The following XKR4 variants were observed in gnomAD, a reference collection of about 807,000 sequenced individuals.
XKR4 encodes the protein XK-related protein 4.
XKR4 carries 12 observed loss-of-function variants against 53.9 expected under a neutral mutation model. The ratio of observed to expected loss-of-function variants is 0.22; its 90% CI spans 0.14 to 0.36. The LOEUF (loss-of-function observed/expected upper bound fraction) is 0.36, where lower values mean the gene tolerates loss of function less well. Among genes scored for constraint, XKR4 ranks in the 10% least tolerant of loss-of-function variants. XKR4 has a pLI of 1.00. For missense variants in XKR4, 799 were observed against 859.5 expected, an observed-to-expected ratio of 0.93 and a Z score of 0.88; for synonymous variants, 354 against 362.4, an observed-to-expected ratio of 0.98 and a Z score of 0.26.
intron 2 of XKR4, among the ~76,000 whole-genome samples, chr8:55,460,375 C>T (rs1805636574): frequency 6.6e-6 from 1 of 152,124 alleles, no homozygotes; most frequent in African/African-American, 2.4e-5. Flanking sequence ...TAAATTTGCT[C>T]AAAATCATTG....
At chr8:55,353,698 G>T (rs1292283088) in intron 1 of XKR4, among the ~76,000 whole-genome samples, 1 of 152,342 alleles carries the variant, frequency 6.6e-6, no homozygotes, top group East Asian at 1.9e-4. Flanking sequence ...TCAAAAATGT[G>T]CCTGGCAGTC....
At chr8:55,283,634 T>C (rs1410409813) in intron 1 of XKR4, among the ~76,000 whole-genome samples, 2 of 152,238 alleles carry the variant, frequency 1.3e-5, no homozygotes, top group Non-Finnish European at 2.9e-5. Context: ...GATCTTTTTC[T>C]GAAGCTGAAA....
intron 2 of XKR4, among the ~76,000 whole-genome samples, chr8:55,404,291 T>G (rs960088797): frequency 2.0e-4 from 31 of 152,174 alleles, no homozygotes; most frequent in African/African-American, 7.0e-4. Flanking sequence ...AGATAATAGA[T>G]AAGGTAGATA....
chr8:55,255,524 A>T (rs1288505850), intron 1 of XKR4, among the ~76,000 whole-genome samples: 1 of 152,154 alleles, frequency 6.6e-6, no homozygotes, highest in Admixed American at 6.5e-5. Context: ...TTGTCTTTGG[A>T]TTCTCAGCAC....
intron 2 of XKR4, chr8:55,450,285 G>A (rs971065929): frequency 1.4e-6 from 1 of 705,052 alleles, no homozygotes. Context: ...CCAGTTCCCA[G>A]TCATAGGGAG....
chr8:55,374,751 C>G (rs1191880870), intron 2 of XKR4, among the ~76,000 whole-genome samples: 1 of 152,140 alleles, frequency 6.6e-6, no homozygotes, highest in Non-Finnish European at 1.5e-5. Context: ...CAGGGGCACA[C>G]AGCAGAACAC....
intron 2 of XKR4, among the ~76,000 whole-genome samples, chr8:55,479,901 A>G (rs922253053): frequency 6.6e-6 from 1 of 152,180 alleles, no homozygotes; most frequent in South Asian, 2.1e-4. Flanking sequence ...AATTGTGGCA[A>G]TAATCAATAG....
At chr8:55,518,295 A>G (rs986120317) in intron 2 of XKR4, among the ~76,000 whole-genome samples, 16 of 152,310 alleles carry the variant, frequency 1.1e-4, no homozygotes, top group African/African-American at 3.8e-4. Context: ...GAGGAACAAT[A>G]AAGAACCATG....
chr8:55,385,444 C>T (rs771747525), intron 2 of XKR4, among the ~76,000 whole-genome samples: 2 of 152,204 alleles, frequency 1.3e-5, no homozygotes, highest in Non-Finnish European at 2.9e-5. Context: ...ACATACCTTA[C>T]TCTTCCCTTC....
At chr8:55,436,498 GT>G (rs1394572013) in intron 2 of XKR4, among the ~76,000 whole-genome samples, 1 of 152,216 alleles carries the variant, frequency 6.6e-6, no homozygotes, top group African/African-American at 2.4e-5. Flanking sequence ...TTCCTAACAT[GT>G]GTTCAGGTTT....
chr8:55,199,117 C>T lies in XKR4; in HGVS notation c.806+95823C>T, dbSNP rs186420475. 2.3e-3 allele frequency among the ~76,000 whole-genome samples: 354 copies of T among 152,210 alleles called. 5 individuals are homozygous for T. The highest frequency in any genetic ancestry group is 3.9e-3 in the Non-Finnish European group (263 of 68,022). On this transcript the variant is annotated intron_variant, in intron 1 of 2. Coordinates refer to ENST00000327381, the MANE Select transcript of XKR4 (RefSeq NM_052898.2). ...TATTTAGGAAGTTCTTACATATTAA[C>T]GCAGCATTGTAAAGTGGCTCATTAC...
intron 2 of XKR4, among the ~76,000 whole-genome samples, chr8:55,445,803 A>T (rs1263214144): frequency 6.6e-6 from 1 of 152,236 alleles, no homozygotes; most frequent in Non-Finnish European, 1.5e-5. Context: ...AGTAACGGTT[A>T]CCACAGTAAG....
intron 2 of XKR4, chr8:55,452,649 TG>T: frequency 2.8e-6 from 4 of 1,426,334 alleles, no homozygotes; most frequent in Non-Finnish European, 3.9e-6. Context: ...CCCCTTGAGG[TG>T]GTCACTGGTG....
chr8:55,200,101 G>T (rs894807460), intron 1 of XKR4, among the ~76,000 whole-genome samples: 2 of 152,142 alleles, frequency 1.3e-5, no homozygotes, highest in African/African-American at 4.8e-5. Flanking sequence ...GTCTGGTTCT[G>T]TCACCTAGGC....
Position 55,102,475 on chromosome 8 carries a change from G to T in XKR4, c.-14G>T. The T allele has an allele frequency of 6.5e-7, 1 of 1,546,954 alleles. No homozygotes were observed. Among genetic ancestry groups the T allele is most frequent in the Non-Finnish European group, 8.8e-7 (1 of 1,142,136 alleles). ...GTCAGATAAAGGAGGGCTCTCCTCCGGTGTGGAGGCATCATGGCCGCTAAA... is the reference window on the plus strand; with the variant it reads ...GTCAGATAAAGGAGGGCTCTCCTCCTGTGTGGAGGCATCATGGCCGCTAAA... On this transcript the variant is annotated 5_prime_UTR_variant, in exon 1 of 3. Transcript: ENST00000327381. This position sits in a 1 kb window ranked among gnomAD's most constrained non-coding sequence, Gnocchi z 5.1.
chr8:55,535,902 C>T lies in XKR4; in HGVS notation c.*11675C>T, dbSNP rs953174123. 3 of 152,218 alleles carry T rather than the reference C, an allele frequency of 2.0e-5. No homozygotes were observed. Among genetic ancestry groups the T allele is most frequent in the Admixed American group, 1.3e-4 (2 of 15,286 alleles). 9.4% of individuals were successfully genotyped at this position (152,218 alleles called of 1,614,324 possible). The stretch of plus-strand genomic sequence containing the variant: ...GATAGTTCTCCTTGACCACTGGTCC[C>T]TATGGGCTCTGCAGGAGAGCTTCTC... On this transcript the variant is annotated 3_prime_UTR_variant, in exon 3 of 3. Coordinates refer to ENST00000327381, the MANE Select transcript of XKR4 (RefSeq NM_052898.2).
chr8:55,350,210 T>A (rs1393233301), intron 1 of XKR4, among the ~76,000 whole-genome samples: 2 of 152,212 alleles, frequency 1.3e-5, no homozygotes, highest in African/African-American at 2.4e-5. Flanking sequence ...TCATAGCTAA[T>A]CCTGAGTGAA....
chr8:55,488,015 G>A (rs998297152), intron 2 of XKR4, among the ~76,000 whole-genome samples: 3 of 152,178 alleles, frequency 2.0e-5, no homozygotes, highest in African/African-American at 7.2e-5. Context: ...GATTGTACAT[G>A]GGGAATTTTA....
chr8:55,331,246 A>G (rs1018380864), intron 1 of XKR4, among the ~76,000 whole-genome samples: 1 of 152,080 alleles, frequency 6.6e-6, no homozygotes, highest in South Asian at 2.1e-4. Context: ...TAATTTCTAC[A>G]TATTTGTGAA....
Sources: gnomAD v4.1 joint callset for allele counts (sites outside exome capture counted in the v4.1 genomes callset) on GRCh38, gnomAD v4.1.1 for gene constraint, Gnocchi (gnomAD v3.1) non-coding constraint, MANE v1.5 for transcripts, NCBI Gene and HGNC (gene_info 2026-07-23, HGNC 2026-07-21) for gene names.